Variants in GET1 observed in about 807,000 individuals in gnomAD.
The protein encoded by GET1 is congenital heart disease 5 protein.
GET1 carries 20 observed loss-of-function variants against 22.6 expected under a neutral mutation model. That is an observed-to-expected ratio of 0.89 (90% CI 0.62 to 1.29). GET1 has a LOEUF of 1.29. Ranked by LOEUF, GET1 falls within the 50% of genes most tolerant of loss-of-function variation. The pLI is 0.00. For synonymous variants in GET1, 92 were observed against 83.8 expected, an observed-to-expected ratio of 1.10 and a Z score of -0.53; for missense variants, 209 against 219.9, an observed-to-expected ratio of 0.95 and a Z score of 0.31.
At chr21:39,389,568 A>C (rs990636813) in intron 1 of GET1, among the ~76,000 whole-genome samples, 2 of 152,098 alleles carry the variant, frequency 1.3e-5, no homozygotes, top group South Asian at 4.1e-4. Context: ...ACTGTTACCC[A>C]AGTGAATGCA....
chr21:39,382,578 C>G (rs940210575), intron 1 of GET1, among the ~76,000 whole-genome samples: 1 of 152,230 alleles, frequency 6.6e-6, no homozygotes, highest in Non-Finnish European at 1.5e-5. Context: ...CATGGTGTAT[C>G]ATGAGTCAGG....
downstream of GET1, among the ~76,000 whole-genome samples, chr21:39,407,463 A>G (rs974613937): frequency 2.0e-5 from 3 of 152,206 alleles, no homozygotes; most frequent in Non-Finnish European, 4.4e-5. Flanking sequence ...TTCTTCTTAG[A>G]ACGAACCTAC....
exon 5 of GET1, chr21:39,406,326 A>C: frequency 1.2e-6 from 2 of 1,614,144 alleles, no homozygotes; most frequent in Non-Finnish European, 1.7e-6. Flanking sequence ...TGAATGAGTA[A>C]TGTCTTCTTT....
At chr21:39,393,480 G>C (rs1207121397) in intron 4 of GET1, among the ~76,000 whole-genome samples, 200 bp downstream of exon 4, 1 of 152,148 alleles carries the variant, frequency 6.6e-6, no homozygotes, top group African/African-American at 2.4e-5. Flanking sequence ...TCACCAAAAT[G>C]TTAAGGAGCA....
chr21:39,410,417 C>T (rs754347167), downstream of GET1: 7 of 950,990 alleles, frequency 7.4e-6, no homozygotes, highest in East Asian at 2.5e-5. Flanking sequence ...CATTTGGATA[C>T]AATATTGATT....
Position 39,382,493 on chromosome 21 carries a change from T to C in GET1, c.102+2007T>C, listed in dbSNP as rs1460951607. On this transcript the variant is annotated intron_variant, in intron 1 of 4. Transcript: ENST00000649170. ...ATTTGACTACTCTTGGGACCTCATA[T>C]AAGTGGAATCAGACAGTATTTTTCC... Among the ~76,000 whole-genome samples, 2 of 152,368 alleles carry C rather than the reference T, an allele frequency of 1.3e-5. 1 individual carries two copies. Among genetic ancestry groups the C allele is most frequent in the South Asian group, 4.1e-4 (2 of 4,834 alleles).
chr21:39,423,099 A>G, intron 1 of GET1: 2 of 1,613,934 alleles, frequency 1.2e-6, no homozygotes, highest in South Asian at 1.1e-5. Flanking sequence ...AGATATCTTT[A>G]GTCTTCAGTA....
At chr21:39,415,710 C>T (rs150433554) in intron 1 of GET1, among the ~76,000 whole-genome samples, 2 of 152,296 alleles carry the variant, frequency 1.3e-5, no homozygotes, top group East Asian at 1.9e-4. Context: ...CAAAACACTG[C>T]GACTGATTAA....
intron 1 of GET1, 165 bp downstream of exon 1, chr21:39,380,651 G>A: frequency 7.0e-7 from 1 of 1,429,354 alleles, no homozygotes; most frequent in Admixed American, 2.8e-5. Flanking sequence ...TAAAAGGTAC[G>A]ACGCTTTACC....
intron 1 of GET1, among the ~76,000 whole-genome samples, chr21:39,420,216 A>G (rs1427448656): frequency 5.3e-5 from 8 of 152,118 alleles, no homozygotes; most frequent in African/African-American, 1.9e-4. Flanking sequence ...TCTGAGAAAG[A>G]TATTAATGAA....
chr21:39,404,446 C>T (rs2038936563), intron 4 of GET1, among the ~76,000 whole-genome samples: 1 of 152,158 alleles, frequency 6.6e-6, no homozygotes. Flanking sequence ...AAGAGAAACT[C>T]AAAAATGATT....
chr21:39,383,142 G>A (rs1167795811), intron 1 of GET1, among the ~76,000 whole-genome samples: 1 of 151,916 alleles, frequency 6.6e-6, no homozygotes, highest in Non-Finnish European at 1.5e-5. Flanking sequence ...TTTTAGTAGA[G>A]ACGAGGTTTC....
At chr21:39,392,016 T>A (rs1361602335) in intron 3 of GET1, 180 bp downstream of exon 3, 4 of 593,488 alleles carry the variant, frequency 6.7e-6, no homozygotes, top group Non-Finnish European at 1.2e-5. Context: ...AAAGGAAGCC[T>A]TTCTCTTGAG....
chr21:39,400,170 G>A (rs1175123396), downstream of GET1, among the ~76,000 whole-genome samples: 1 of 151,868 alleles, frequency 6.6e-6, no homozygotes, highest in African/African-American at 2.4e-5. Context: ...AGGTGTGTGT[G>A]TGTGTGTGTG....
chr21:39,422,971 C>T (rs2074023237), intron 1 of GET1: 1 of 1,612,594 alleles, frequency 6.2e-7, no homozygotes, highest in Non-Finnish European at 8.5e-7. Flanking sequence ...CCCTGAAATA[C>T]AGACCTGTAT....
At chr21:39,402,239 G>A (rs1231703453), downstream of GET1, among the ~76,000 whole-genome samples, 1 of 152,048 alleles carries the variant, frequency 6.6e-6, no homozygotes, top group Non-Finnish European at 1.5e-5. Flanking sequence ...GAGTAGCTGG[G>A]ATTACAGGCG....
At chr21:39,405,346 A>G (rs2038986004) in intron 4 of GET1, among the ~76,000 whole-genome samples, 1 of 150,966 alleles carries the variant, frequency 6.6e-6, no homozygotes, top group Non-Finnish European at 1.5e-5. Flanking sequence ...GGCACACACC[A>G]CCACACCTGG....
At chr21:39,384,857 G>A (rs1207714816) in intron 1 of GET1, among the ~76,000 whole-genome samples, 2 of 152,062 alleles carry the variant, frequency 1.3e-5, no homozygotes. Flanking sequence ...AACCCAGTTA[G>A]CTTTCCTAAA....
chr21:39,386,537 T>C (rs1257266099), intron 1 of GET1: 2 of 152,414 alleles, frequency 1.3e-5, no homozygotes, highest in East Asian at 3.9e-4. Flanking sequence ...GAGAGTGGCA[T>C]CTGGGGCTGT....
Sources: gnomAD v4.1 joint callset for allele counts (sites outside exome capture counted in the v4.1 genomes callset) on GRCh38, gnomAD v4.1.1 for gene constraint, MANE v1.5 for transcripts, NCBI Gene and HGNC (gene_info 2026-07-23, HGNC 2026-07-21) for gene names.